Variants in JMJD1C observed in about 807,000 individuals in gnomAD.
JMJD1C encodes jumonji domain containing 1C.
Under a neutral mutation model 245.3 loss-of-function variants are expected in JMJD1C, and 31 were observed. The ratio of observed to expected loss-of-function variants is 0.13; its 90% CI spans 0.09 to 0.17. JMJD1C has a LOEUF of 0.17. JMJD1C is among the 10% of genes least tolerant of loss of function. The pLI is 1.00. For missense variants in JMJD1C, 2,691 were observed against 3,000.2 expected (o/e 0.90, Z 2.41); for synonymous variants, 1,057 against 1,017.4 (o/e 1.04, Z -0.74).
chr10:63,390,188 A>C (rs1040385564), intron 1 of JMJD1C, among the ~76,000 whole-genome samples: 8 of 152,190 alleles, frequency 5.3e-5, no homozygotes, highest in African/African-American at 1.7e-4. Flanking sequence ...TCAGAAACGA[A>C]AAAAGAGAAA....
At chr10:63,384,559 T>C (rs1947446090) in intron 1 of JMJD1C, among the ~76,000 whole-genome samples, 1 of 152,208 alleles carries the variant, frequency 6.6e-6, no homozygotes, top group African/African-American at 2.4e-5. Flanking sequence ...GGAATCTTTT[T>C]CTCTGAGTAG....
At chr10:63,237,671 G>T (rs917551520) in intron 3 of JMJD1C, among the ~76,000 whole-genome samples, 4 of 152,096 alleles carry the variant, frequency 2.6e-5, no homozygotes, top group Non-Finnish European at 5.9e-5. Context: ...GGAGTCAGAA[G>T]TGTTTCAGAT....
intron 1 of JMJD1C, among the ~76,000 whole-genome samples, chr10:63,496,379 T>C (rs376610108): frequency 5.3e-4 from 81 of 152,318 alleles, no homozygotes; most frequent in African/African-American, 1.9e-3. Flanking sequence ...AAAAATAAGA[T>C]AATTGGGGAA....
intron 1 of JMJD1C, among the ~76,000 whole-genome samples, chr10:63,428,703 G>GA (rs1381540761): frequency 2.0e-5 from 3 of 151,986 alleles, no homozygotes; most frequent in East Asian, 1.9e-4. Context: ...GAAAAAAAGA[G>GA]AAAAAACAAT....
chr10:63,355,891 A>G (rs1212114150), intron 2 of JMJD1C, among the ~76,000 whole-genome samples: 1 of 152,200 alleles, frequency 6.6e-6, no homozygotes, highest in Non-Finnish European at 1.5e-5. Flanking sequence ...TTTAAAGCCC[A>G]AAGAAACCAC....
At chr10:63,449,816 C>G (rs1262895259) in intron 1 of JMJD1C, among the ~76,000 whole-genome samples, 2 of 152,022 alleles carry the variant, frequency 1.3e-5, no homozygotes, top group East Asian at 1.9e-4. Flanking sequence ...AAACTGTACA[C>G]AATTCCAAGC....
chr10:63,385,139 G>A (rs2134540616), intron 1 of JMJD1C, among the ~76,000 whole-genome samples: 1 of 152,208 alleles, frequency 6.6e-6, no homozygotes, highest in East Asian at 1.9e-4. Context: ...GGTTAGTGGA[G>A]CAGTCAGAAC....
chr10:63,189,470 A>G (rs571334215), intron 17 of JMJD1C, 24 bp from the exon 18 acceptor site: 1 of 1,567,644 alleles, frequency 6.4e-7, no homozygotes, highest in South Asian at 1.2e-5. Context: ...AACAAAACAA[A>G]AAAAACCTGT....
At chr10:63,197,736 C>T (rs1269196999) in intron 12 of JMJD1C, among the ~76,000 whole-genome samples, 173 bp from the exon 13 acceptor site, 1 of 152,084 alleles carries the variant, frequency 6.6e-6, no homozygotes, top group Admixed American at 6.6e-5. Context: ...TTTAGAAGAC[C>T]CATAAATGAT....
intron 1 of JMJD1C, among the ~76,000 whole-genome samples, chr10:63,422,391 A>C (rs1297029129): frequency 6.6e-6 from 1 of 152,002 alleles, no homozygotes; most frequent in Non-Finnish European, 1.5e-5. Context: ...ACAGAGCAGG[A>C]CTCTGTCTCA....
intron 2 of JMJD1C, 134 bp from the exon 3 acceptor site, chr10:63,264,898 T>C (rs1311707582): frequency 2.0e-6 from 1 of 493,460 alleles, no homozygotes; most frequent in African/African-American, 2.0e-5. Context: ...TTAATTTTCA[T>C]ATTATAAACT....
chr10:63,291,201 G>C (rs962404029), intron 2 of JMJD1C, among the ~76,000 whole-genome samples: 2 of 150,910 alleles, frequency 1.3e-5, no homozygotes, highest in African/African-American at 4.9e-5. Flanking sequence ...CCAGCTACTT[G>C]GGAGGCTGAG....
At chr10:63,381,123 G>T (rs1162357429) in intron 1 of JMJD1C, among the ~76,000 whole-genome samples, 1 of 152,204 alleles carries the variant, frequency 6.6e-6, no homozygotes, top group Non-Finnish European at 1.5e-5. Flanking sequence ...GCAGCAGTAT[G>T]AATAGAACTG....
At position 63,168,153 on chromosome 10, in the gene JMJD1C, T is replaced by C. The variant is rs1842014223; in HGVS notation, c.7534-19A>G. On this transcript the variant is annotated intron_variant, in intron 25 of 25. Coordinates refer to ENST00000399262, the MANE Select transcript of JMJD1C (RefSeq NM_032776.3). The stretch of plus-strand genomic sequence containing the variant: ...TTTTAACCTGAAAGAGATGTTGATA[T>C]TTCTAATCACTTCAGTTCGACAGAA... The C allele has an allele frequency of 6.7e-7, 1 of 1,488,422 alleles. No homozygotes were observed. Among genetic ancestry groups the C allele is most frequent in the African/African-American group, 1.4e-5 (1 of 72,514 alleles). 92.2% of individuals were successfully genotyped at this position (1,488,422 alleles called of 1,614,324 possible). A position where few individuals can be genotyped will look rare whatever the true frequency, so the allele number is the denominator to read the frequency against.
At chr10:63,469,433 T>C (rs1233497576), upstream of JMJD1C, among the ~76,000 whole-genome samples, 1 of 152,316 alleles carries the variant, frequency 6.6e-6, no homozygotes, top group South Asian at 2.1e-4. Context: ...CTATTAACTA[T>C]TATACTAAAA....
chr10:63,241,022 A>G (rs1851412174), intron 3 of JMJD1C, among the ~76,000 whole-genome samples: 1 of 152,192 alleles, frequency 6.6e-6, no homozygotes. Flanking sequence ...TGATACTCTT[A>G]TCATTCCTGG....
chr10:63,183,386 A>G, intron 22 of JMJD1C, 61 bp downstream of exon 22: 8 of 1,455,082 alleles, frequency 5.5e-6, no homozygotes, highest in Middle Eastern at 3.6e-4. Context: ...ATTCTGGACA[A>G]TACTAGTGAA....
At chr10:63,400,452 G>C (rs1490636048) in intron 1 of JMJD1C, among the ~76,000 whole-genome samples, 1 of 152,180 alleles carries the variant, frequency 6.6e-6, no homozygotes, top group African/African-American at 2.4e-5. Context: ...CCTTATAGGT[G>C]AACATTGTTA....
chr10:63,246,369 T>G (rs1303731057), intron 3 of JMJD1C, among the ~76,000 whole-genome samples: 1 of 152,076 alleles, frequency 6.6e-6, no homozygotes, highest in East Asian at 1.9e-4. Context: ...CCCAACAGAC[T>G]TCTCAATGGA....
Sources: allele counts gnomAD v4.1 joint callset (sites outside exome capture counted in the v4.1 genomes callset), GRCh38; gene constraint gnomAD v4.1.1; transcripts MANE v1.5; gene names NCBI Gene and HGNC (gene_info 2026-07-23, HGNC 2026-07-21).